Variants in ELP1 observed in about 807,000 individuals in gnomAD.
ELP1 encodes elongator complex protein 1.
ELP1 carries 131 observed loss-of-function variants against 183.2 expected under a neutral mutation model. The ratio of observed to expected loss-of-function variants is 0.72; its 90% confidence interval spans 0.62 to 0.83. ELP1 has a LOEUF of 0.83. Ranked by LOEUF, ELP1 falls within the 40% of genes least tolerant of loss-of-function variation. The probability of loss-of-function intolerance (pLI) is 0.00; values close to 1 mark genes in which losing one functional copy is unlikely to be tolerated. For synonymous variants in ELP1, 555 were observed against 569.0 expected (o/e 0.98, Z 0.35); for missense variants, 1,550 against 1,594.9 (o/e 0.97, Z 0.48).
intron 8 of ELP1, 103 bp from the exon 9 acceptor site, chr9:108,917,773 G>T: frequency 2.5e-6 from 3 of 1,201,618 alleles, no homozygotes; most frequent in South Asian, 2.4e-5. Flanking sequence ...ATGAATGAAT[G>T]AACGAATTAA....
chr9:108,921,992 G>C (rs1829665283), intron 6 of ELP1, among the ~76,000 whole-genome samples: 1 of 152,120 alleles, frequency 6.6e-6, no homozygotes, highest in South Asian at 2.1e-4. Flanking sequence ...GAATACTGAG[G>C]CTCAGAAACA....
rs2230791 is a variant in ELP1, at chr9:108,901,474, G to A, written c.1965C>T (p.Thr655=). The change falls in exon 18 of 37, where the codon ACC becomes ACT. Residue 655 remains threonine (T), a synonymous_variant. Transcript: ENST00000374647. ...AVYDEFLLLT[T]HSHTCQCFCL... The stretch of plus-strand genomic sequence containing the variant: ...AAAAACACTGGCAGGTATGGGAATG[G>A]GTTGTCAACAATAAAAACTCATCAT... 124,107 of 1,611,036 alleles carry A rather than the reference G, an allele frequency of 0.077. 5,569 individuals carry two copies. Among genetic ancestry groups the A allele is most frequent in the African/African-American group, 0.15 (11,303 of 74,818 alleles).
chr9:108,908,035 CATG>C (rs1829082154), intron 13 of ELP1, among the ~76,000 whole-genome samples: 1 of 152,232 alleles, frequency 6.6e-6, no homozygotes, highest in Admixed American at 6.5e-5. Flanking sequence ...ATCTTTCCCA[CATG>C]ATTTTTCCTG....
intron 10 of ELP1, among the ~76,000 whole-genome samples, chr9:108,914,414 G>A (rs9776053): frequency 0.071 from 1,406 of 19,850 alleles, 8 homozygotes; most frequent in African/African-American, 0.27. Context: ...AAAAAAAAAA[G>A]GGGGGGGGGG....
chr9:108,904,012 T>C (rs2131997949), intron 14 of ELP1, among the ~76,000 whole-genome samples: 1 of 152,358 alleles, frequency 6.6e-6, no homozygotes, highest in East Asian at 1.9e-4. Context: ...CACAACTTAC[T>C]GCAACTTATT....
At chr9:108,878,959 C>T (rs989430740) in intron 33 of ELP1, among the ~76,000 whole-genome samples, 2 of 152,148 alleles carry the variant, frequency 1.3e-5, no homozygotes, top group Non-Finnish European at 2.9e-5. Flanking sequence ...ACTCTTATAA[C>T]TCATATCTCC....
chr9:108,928,552 G>A (rs1829892410), intron 3 of ELP1, among the ~76,000 whole-genome samples: 4 of 152,134 alleles, frequency 2.6e-5, no homozygotes, highest in Admixed American at 2.6e-4. Context: ...AAAACATAAG[G>A]TTTACGTACA....
rs1829971850 is a variant in ELP1, at chr9:108,930,672, C to CA, written c.150+324dup. Among the ~76,000 whole-genome samples, 3 of 111,522 alleles carry CA rather than the reference C, an allele frequency of 2.7e-5. No homozygotes were observed. In the South Asian group the frequency reaches 1.0e-3, roughly 38 times the overall value. The allele number at this position is 111,522 out of a possible 152,430, so 73.2% of individuals were successfully genotyped here. A position where few individuals can be genotyped will look rare whatever the true frequency, so the allele number is the denominator to read the frequency against. On this transcript the variant is annotated intron_variant, in intron 2 of 36. Coordinates refer to ENST00000374647, the MANE Select transcript of ELP1 (RefSeq NM_003640.5). ...CACCACTGCACTCCAGCCTGGGTGA[C>CA]AGAGCGAGACTCCGTCTCAAAAAAA...
intron 5 of ELP1, among the ~76,000 whole-genome samples, chr9:108,924,079 G>C (rs1189240041): frequency 6.6e-6 from 1 of 152,212 alleles, no homozygotes; most frequent in Non-Finnish European, 1.5e-5. Flanking sequence ...CTATCTGCAA[G>C]TTTCCACAGA....
At chr9:108,896,809 A>G in intron 24 of ELP1, 144 bp downstream of exon 24, 1 of 1,051,446 alleles carries the variant, frequency 9.5e-7, no homozygotes, top group Non-Finnish European at 1.5e-6. Context: ...CAGCACTGAA[A>G]AAAACTGACA....
chr9:108,882,398 A>G (rs1387344770), intron 29 of ELP1, among the ~76,000 whole-genome samples: 2 of 152,204 alleles, frequency 1.3e-5, no homozygotes, highest in East Asian at 3.9e-4. Context: ...AATAATGACA[A>G]AACACAAGGT....
intron 13 of ELP1, 52 bp from the exon 14 acceptor site, chr9:108,906,537 C>G: frequency 6.7e-7 from 1 of 1,485,808 alleles, no homozygotes; most frequent in South Asian, 1.1e-5. Flanking sequence ...TTAAAAACCA[C>G]TGAGACGTTC....
intron 26 of ELP1, 61 bp from the exon 27 acceptor site, chr9:108,893,144 T>C: frequency 1.8e-6 from 2 of 1,116,878 alleles, no homozygotes; most frequent in Non-Finnish European, 2.7e-6. Flanking sequence ...ATGGACTTCA[T>C]TTATACCAAT....
rs556019179 is a variant in ELP1 at position 108,916,476 on chromosome 9, A to G, written c.865-179T>C. On this transcript the variant is annotated intron_variant, in intron 9 of 36. Coordinates refer to ENST00000374647, the MANE Select transcript of ELP1 (RefSeq NM_003640.5). ...TCTGTAAAATATGTCATTATTATGT[A>G]GAGGACTTAAAAAAAAGAAATACAT... 2.0e-5 allele frequency among the ~76,000 whole-genome samples: 3 copies of G among 152,334 alleles called. No homozygotes were observed. The East Asian group carries it at 5.8e-4, about 29-fold the overall frequency.
chr9:108,900,021 C>A (rs999573487), intron 19 of ELP1, 126 bp from the exon 20 acceptor site: 5 of 887,084 alleles, frequency 5.6e-6, no homozygotes, highest in African/African-American at 3.3e-5. Context: ...ACACTTTTAG[C>A]AGAATCTTGT....
At chr9:108,885,547 C>T (rs1167042988) in intron 29 of ELP1, among the ~76,000 whole-genome samples, 3 of 152,032 alleles carry the variant, frequency 2.0e-5, no homozygotes, top group South Asian at 2.1e-4. Flanking sequence ...AACTCCTGGC[C>T]GAGATGGCCT....
At position 108,921,929 on chromosome 9, in the gene ELP1, T is replaced by C. The variant is rs527476781; in HGVS notation, c.552+913A>G. Among the ~76,000 whole-genome samples the C allele has an allele frequency of 2.6e-5, 4 of 152,370 alleles. No individual in the cohort carries two copies. The South Asian group carries it at 6.2e-4, about 24-fold the overall frequency. On this transcript the variant is annotated intron_variant, in intron 6 of 36. Transcript: ENST00000374647. ...ATGATAGCTGTTTTATATATGCTAT[T>C]ACCTGCCCATCTCAACCCTTGTAAG...
At chr9:108,910,210 T>A (rs1420925820) in intron 12 of ELP1, among the ~76,000 whole-genome samples, 6 of 152,196 alleles carry the variant, frequency 3.9e-5, no homozygotes, top group African/African-American at 1.4e-4. Flanking sequence ...AACAGCATTT[T>A]ACACACTGAA....
chr9:108,878,159 A>C lies in ELP1; in HGVS notation c.3701-10T>G, dbSNP rs1827773831. 6.2e-7 allele frequency: 1 copy of C among 1,602,914 alleles called. No individual in the cohort carries two copies. The highest frequency in any genetic ancestry group is 1.7e-5 in the Admixed American group (1 of 59,984). ...ATATGGTATACTTCATCTAGAGAGA[A>C]GAAATTTGAAAGAGTGGTAAGTTAT... On this transcript the variant is annotated splice_polypyrimidine_tract_variant and intron_variant, in intron 34 of 36. Coordinates refer to ENST00000374647, the MANE Select transcript of ELP1 (RefSeq NM_003640.5).
Sources: allele counts gnomAD v4.1 joint callset (sites outside exome capture counted in the v4.1 genomes callset), GRCh38; gene constraint gnomAD v4.1.1; transcripts MANE v1.5; gene names NCBI Gene and HGNC (gene_info 2026-07-23, HGNC 2026-07-21).